Variants in NAF1 observed in about 807,000 individuals in gnomAD.
NAF1 encodes H/ACA ribonucleoprotein complex non-core subunit NAF1.
Under a neutral mutation model 40.6 loss-of-function variants are expected in NAF1, and 11 were observed. The observed-to-expected ratio is 0.27, with a 90% confidence interval of 0.17 to 0.45. The LOEUF (loss-of-function observed/expected upper bound fraction) is 0.45, where lower values mean the gene tolerates loss of function less well. Ranked by LOEUF, NAF1 falls within the 20% of genes least tolerant of loss-of-function variation. The pLI is 1.00. For missense variants in NAF1, 607 were observed against 611.1 expected (o/e 0.99, Z 0.07); for synonymous variants, 260 against 228.5 (o/e 1.14, Z -1.24).
the NAF1 span, among the ~76,000 whole-genome samples, chr4:163,105,062 CTCT>C: frequency 2.5e-4 from 38 of 152,284 alleles, no homozygotes; most frequent in East Asian, 7.1e-3. Context: ...ATCAGCAGCC[CTCT>C]ACTATTTAAT....
intron 2 of NAF1, among the ~76,000 whole-genome samples, chr4:163,112,250 G>A (rs1051923655): frequency 2.0e-5 from 3 of 152,194 alleles, no homozygotes; most frequent in African/African-American, 7.2e-5. Flanking sequence ...CAAATAAAGT[G>A]ATTAGCTTTA....
Position 163,140,378 on chromosome 4 carries a change from G to T in NAF1, c.723C>A (p.Phe241Leu), listed in dbSNP as rs780245066. 6.3e-7 allele frequency: 1 copy of T among 1,599,974 alleles called. No individual in the cohort carries two copies. Among genetic ancestry groups the T allele is most frequent in the Non-Finnish European group, 8.5e-7 (1 of 1,175,024 alleles). The change falls in exon 5 of 8, where the codon TTC (phenylalanine) becomes TTA (leucine). Residue 241 changes from phenylalanine to leucine, a missense_variant. Transcript: ENST00000274054. ...GATGTGCAACAGGTCCAAATATCTC[G>T]AATATCTGTAATAGAAACATAAAGG... ...KSDRQAAGKI[F>L]EIFGPVAHPF...
At chr4:163,118,940 G>A (rs1459624892) in intron 2 of NAF1, among the ~76,000 whole-genome samples, 2 of 152,142 alleles carry the variant, frequency 1.3e-5, no homozygotes, top group African/African-American at 2.4e-5. Context: ...TAGCATGACT[G>A]AATCTACTTT....
chr4:163,129,266 TTC>T lies in NAF1; in HGVS notation c.1114_1115del (p.Glu372IlefsTer25). The T allele has an allele frequency of 6.2e-7, 1 of 1,614,114 alleles. No homozygotes were observed. The highest frequency in any genetic ancestry group is 8.5e-7 in the Non-Finnish European group (1 of 1,179,998). On this transcript the variant is annotated frameshift_variant, in exon 8 of 8. Transcript: ENST00000274054. LOFTEE classifies it low-confidence loss of function (END_TRUNC). ...SEHAKGYRNR[E>X]FTRGFSRARY... is the part of the protein sequence containing the mutation. The stretch of plus-strand genomic sequence containing the variant: ...TGGCCCTGGAAAATCCTCGTGTGAA[TTC>T]TCTGTTACGATATCCTTTTGCATGC...
At chr4:163,131,927 T>C (rs936748488) in intron 7 of NAF1, among the ~76,000 whole-genome samples, 1 of 152,226 alleles carries the variant, frequency 6.6e-6, no homozygotes, top group Non-Finnish European at 1.5e-5. Context: ...GACATATCAC[T>C]GAAGATACCG....
At chr4:163,118,971 AT>A (rs1323880230) in intron 2 of NAF1, among the ~76,000 whole-genome samples, 2 of 152,152 alleles carry the variant, frequency 1.3e-5, no homozygotes, top group African/African-American at 4.8e-5. Flanking sequence ...CAATTTATAT[AT>A]TTTGCTTTTC....
intron 3 of NAF1, among the ~76,000 whole-genome samples, chr4:163,147,294 A>G (rs138420053): frequency 2.3e-4 from 35 of 152,336 alleles, no homozygotes; most frequent in Admixed American, 2.1e-3. Flanking sequence ...CTGACTCACT[A>G]TACAACTGGT....
intron 6 of NAF1, chr4:163,135,098 T>C (rs1007748865): frequency 1.3e-5 from 2 of 152,208 alleles, no homozygotes; most frequent in African/African-American, 2.4e-5. Context: ...AAGATGAACA[T>C]GATACAACCG....
chr4:163,111,205 A>G (rs1230222337), intron 2 of NAF1, among the ~76,000 whole-genome samples: 1 of 152,186 alleles, frequency 6.6e-6, no homozygotes, highest in Non-Finnish European at 1.5e-5. Flanking sequence ...ATAGGTGAAT[A>G]TGAGTCAAGT....
intron 2 of NAF1, among the ~76,000 whole-genome samples, chr4:163,152,636 A>AT (rs1420595522): frequency 6.6e-6 from 1 of 152,042 alleles, no homozygotes; most frequent in East Asian, 1.9e-4. Context: ...TCACCACCAT[A>AT]TTTCCAATAC....
At chr4:163,125,561 A>AGGGAAACTGCAGT (rs879893831), downstream of NAF1, among the ~76,000 whole-genome samples, 2 of 152,186 alleles carry the variant, frequency 1.3e-5, no homozygotes, top group African/African-American at 4.8e-5. Context: ...GAAACCGCAG[A>AGGGAAACTGCAGT]GGGAAACTGC....
In NAF1 at chr4:163,146,463, G is replaced by C. The variant is rs190108378; in HGVS notation, c.635-599C>G. On this transcript the variant is annotated intron_variant, in intron 3 of 7. Coordinates refer to ENST00000274054, the MANE Select transcript of NAF1 (RefSeq NM_138386.3). Reference sequence around the variant, plus strand: ...TAAATGACACAAATATTAAAGAACTGATCTACCATAACAAAGAGAAAACAC... The same window carrying C: ...TAAATGACACAAATATTAAAGAACTCATCTACCATAACAAAGAGAAAACAC... Among the ~76,000 whole-genome samples the C allele has an allele frequency of 2.0e-5, 3 of 152,182 alleles. No individual in the cohort carries two copies. In the East Asian group the frequency reaches 5.8e-4, roughly 29 times the overall value.
Position 163,146,918 on chromosome 4 carries a change from T to C in NAF1, c.635-1054A>G, listed in dbSNP as rs559995213. Among the ~76,000 whole-genome samples the C allele has an allele frequency of 4.2e-4, 64 of 152,326 alleles. No homozygotes were observed. The Middle Eastern group carries it at 0.02, about 49-fold the overall frequency. On this transcript the variant is annotated intron_variant, in intron 3 of 7. Transcript: ENST00000274054. The stretch of plus-strand genomic sequence containing the variant: ...TATTGTTAAAAATGCAAAAATGACA[T>C]GCATTATTCCATGTACGTCAGAGTT...
rs560624650 is a variant in NAF1 at position 163,148,261 on chromosome 4, T to C, written c.634+80A>G. ...TGTTAATTACGTATGTCAAAGAAAATTTACTAGTCATAAAAGTCATTGATT... is the reference window on the plus strand; with the variant it reads ...TGTTAATTACGTATGTCAAAGAAAACTTACTAGTCATAAAAGTCATTGATT... On this transcript the variant is annotated intron_variant, in intron 3 of 7. Coordinates refer to ENST00000274054, the MANE Select transcript of NAF1 (RefSeq NM_138386.3). 87 of 819,858 alleles carry C rather than the reference T, an allele frequency of 1.1e-4. No individual in the cohort carries two copies. In the South Asian group the frequency reaches 1.2e-3, roughly 11 times the overall value. 50.8% of individuals were successfully genotyped at this position (819,858 alleles called of 1,614,324 possible). A position where few individuals can be genotyped will look rare whatever the true frequency, so the allele number is the denominator to read the frequency against.
chr4:163,112,139 T>A (rs1730178832), intron 2 of NAF1, among the ~76,000 whole-genome samples: 1 of 151,362 alleles, frequency 6.6e-6, no homozygotes, highest in African/African-American at 2.4e-5. Flanking sequence ...ATAAAAAAAA[T>A]AAGATGAGAG....
intron 4 of NAF1, chr4:163,144,169 A>C (rs1211210487): frequency 8.9e-6 from 2 of 224,026 alleles, no homozygotes; most frequent in East Asian, 1.8e-4. Context: ...GGGAACTAGC[A>C]ATTCTTAGGA....
At chr4:163,126,874 C>T, downstream of NAF1, 2 of 1,426,088 alleles carry the variant, frequency 1.4e-6, no homozygotes, top group South Asian at 1.5e-5. Context: ...CTTCCAACAG[C>T]TAAAAGACTG....
At chr4:163,147,642 T>C (rs1195142327) in intron 3 of NAF1, among the ~76,000 whole-genome samples, 7 of 152,184 alleles carry the variant, frequency 4.6e-5, no homozygotes, top group Non-Finnish European at 7.4e-5. Context: ...CCCCAAGAGA[T>C]ATCCACACTC....
intron 3 of NAF1, among the ~76,000 whole-genome samples, chr4:163,147,102 T>C (rs1467974531): frequency 2.0e-5 from 3 of 152,172 alleles, no homozygotes; most frequent in Non-Finnish European, 4.4e-5. Context: ...AACTAGTAAA[T>C]GTAATGATTC....
Sources: allele counts gnomAD v4.1 joint callset (sites outside exome capture counted in the v4.1 genomes callset), GRCh38; gene constraint gnomAD v4.1.1; transcripts MANE v1.5; gene names NCBI Gene and HGNC (gene_info 2026-07-23, HGNC 2026-07-21).